The following KCNIP1 variants were observed in gnomAD, a reference collection of about 807,000 sequenced individuals.
KCNIP1 encodes A-type potassium channel modulatory protein KCNIP1.
Under a neutral mutation model 33.0 loss-of-function variants are expected in KCNIP1, and 18 were observed. That is an observed-to-expected ratio of 0.55 (90% confidence interval 0.38 to 0.81). The LOEUF (loss-of-function observed/expected upper bound fraction) is 0.81. KCNIP1 is among the 30% of genes least tolerant of loss of function. The pLI is 0.00. For synonymous variants in KCNIP1, 93 were observed against 98.3 expected (o/e 0.95, Z 0.32); for missense variants, 238 against 271.6 (o/e 0.88, Z 0.87).
At chr5:170,725,856 A>G (rs570255864) in intron 5 of KCNIP1, among the ~76,000 whole-genome samples, 43 of 152,330 alleles carry the variant, frequency 2.8e-4, no homozygotes, top group African/African-American at 1.0e-3. Flanking sequence ...AGACCCACCC[A>G]TATGTCAATG....
intron 1 of KCNIP1, among the ~76,000 whole-genome samples, chr5:170,485,564 A>G (rs1227916236): frequency 3.3e-5 from 5 of 152,148 alleles, no homozygotes; most frequent in Admixed American, 3.3e-4. Context: ...TGCCTCCAGG[A>G]ATCATCAAGG....
intron 1 of KCNIP1, among the ~76,000 whole-genome samples, chr5:170,631,016 T>C (rs1429475552): frequency 6.6e-6 from 1 of 152,144 alleles, no homozygotes; most frequent in East Asian, 1.9e-4. Context: ...GTACGAGGCT[T>C]GAGTACAGAT....
intron 1 of KCNIP1, among the ~76,000 whole-genome samples, chr5:170,518,948 C>T (rs936040847): frequency 2.6e-5 from 4 of 152,264 alleles, no homozygotes; most frequent in East Asian, 1.9e-4. Context: ...AAGTCCTCCC[C>T]AATGGCAGGA....
At chr5:170,614,433 C>T (rs1038401636) in intron 1 of KCNIP1, among the ~76,000 whole-genome samples, 1 of 152,220 alleles carries the variant, frequency 6.6e-6, no homozygotes, top group African/African-American at 2.4e-5. Context: ...TGCCAGTGAT[C>T]TCAACTTCAT....
At chr5:170,606,252 G>A (rs1404398540) in intron 1 of KCNIP1, among the ~76,000 whole-genome samples, 1 of 152,134 alleles carries the variant, frequency 6.6e-6, no homozygotes, top group Non-Finnish European at 1.5e-5. Context: ...ATTCTTTGGG[G>A]TATATACCCA....
intron 1 of KCNIP1, among the ~76,000 whole-genome samples, chr5:170,660,684 C>A (rs1467843565): frequency 1.3e-5 from 2 of 152,222 alleles, no homozygotes; most frequent in East Asian, 3.9e-4. Flanking sequence ...TGTCAAATGG[C>A]CCCCAGAGTC....
intron 1 of KCNIP1, among the ~76,000 whole-genome samples, chr5:170,564,557 C>T (rs1757142859): frequency 6.6e-6 from 1 of 152,194 alleles, no homozygotes; most frequent in African/African-American, 2.4e-5. Context: ...TCCTGATCTA[C>T]TGAACCACAC....
intron 1 of KCNIP1, among the ~76,000 whole-genome samples, chr5:170,405,701 G>A (rs1755021403): frequency 2.0e-5 from 3 of 152,216 alleles, no homozygotes; most frequent in South Asian, 2.1e-4. Flanking sequence ...GGTACATAAC[G>A]ATTGGTTCAG....
At chr5:170,360,009 A>G (rs1763460389) in intron 1 of KCNIP1, among the ~76,000 whole-genome samples, 1 of 152,208 alleles carries the variant, frequency 6.6e-6, no homozygotes, top group Non-Finnish European at 1.5e-5. Context: ...GTTTGCTCCA[A>G]ATTAAAAGTA....
At chr5:170,704,625 G>A (rs549284520) in intron 1 of KCNIP1, among the ~76,000 whole-genome samples, 6 of 152,288 alleles carry the variant, frequency 3.9e-5, no homozygotes, top group African/African-American at 1.4e-4. Flanking sequence ...AAGGTGGGGG[G>A]TTGTTGTGGG....
chr5:170,440,057 T>A (rs1755953667), intron 1 of KCNIP1, among the ~76,000 whole-genome samples: 1 of 152,166 alleles, frequency 6.6e-6, no homozygotes, highest in South Asian at 2.1e-4. Flanking sequence ...GGTCATTAGG[T>A]TGGGCCCTCA....
intron 1 of KCNIP1, among the ~76,000 whole-genome samples, chr5:170,473,183 G>A (rs867843561): frequency 6.6e-6 from 1 of 152,136 alleles, no homozygotes; most frequent in South Asian, 2.1e-4. Context: ...TATCATTAGT[G>A]ATGTTGAGCA....
At chr5:170,382,071 C>T (rs1319852190) in intron 1 of KCNIP1, among the ~76,000 whole-genome samples, 1 of 152,196 alleles carries the variant, frequency 6.6e-6, no homozygotes, top group Non-Finnish European at 1.5e-5. Context: ...GCCATCAAGT[C>T]CGGACTGTCA....
chr5:170,485,048 C>G (rs1222606918), intron 1 of KCNIP1, among the ~76,000 whole-genome samples: 1 of 146,988 alleles, frequency 6.8e-6, no homozygotes, highest in African/African-American at 2.5e-5. Flanking sequence ...TCAAGCAATT[C>G]TCTTGCCTCA....
chr5:170,475,885 C>T (rs1385020235), intron 1 of KCNIP1, among the ~76,000 whole-genome samples: 3 of 152,122 alleles, frequency 2.0e-5, no homozygotes, highest in African/African-American at 7.2e-5. Flanking sequence ...ACCCCCTTGT[C>T]AGGAGTAGGT....
intron 1 of KCNIP1, among the ~76,000 whole-genome samples, chr5:170,706,483 G>A (rs1340663779): frequency 6.6e-6 from 1 of 152,160 alleles, no homozygotes; most frequent in Non-Finnish European, 1.5e-5. Flanking sequence ...CTCCCCAAGA[G>A]CCAGTTGTCA....
chr5:170,713,907 C>T (rs1411202725), intron 1 of KCNIP1, among the ~76,000 whole-genome samples: 1 of 151,884 alleles, frequency 6.6e-6, no homozygotes, highest in Admixed American at 6.6e-5. Flanking sequence ...ACCTGTAATC[C>T]CAGCTACTCA....
chr5:170,438,429 C>T (rs1755914654), intron 1 of KCNIP1, among the ~76,000 whole-genome samples: 1 of 152,204 alleles, frequency 6.6e-6, no homozygotes, highest in Non-Finnish European at 1.5e-5. Flanking sequence ...CCAGAGGCAG[C>T]CCTGGCCTCC....
intron 1 of KCNIP1, among the ~76,000 whole-genome samples, chr5:170,364,129 T>G (rs565076851): frequency 1.3e-5 from 2 of 151,774 alleles, no homozygotes; most frequent in South Asian, 4.2e-4. Flanking sequence ...GCCTCCAGAG[T>G]AGCTGAGACT....
Sources: gnomAD v4.1 joint callset for allele counts (sites outside exome capture counted in the v4.1 genomes callset) on GRCh38, gnomAD v4.1.1 for gene constraint, MANE v1.5 for transcripts, NCBI Gene and HGNC (gene_info 2026-07-23, HGNC 2026-07-21) for gene names.